The following PTPRM variants were observed in gnomAD, a reference collection of about 807,000 sequenced individuals.
PTPRM encodes receptor-type tyrosine-protein phosphatase mu.
PTPRM carries 47 observed loss-of-function variants against 186.7 expected under a neutral mutation model. That is an observed-to-expected ratio of 0.25 (90% CI 0.20 to 0.32). PTPRM has a LOEUF of 0.32. Among genes scored for constraint, PTPRM ranks in the 10% least tolerant of loss-of-function variants. The probability of loss-of-function intolerance (pLI) is 1.00; values close to 1 mark genes in which losing one functional copy is unlikely to be tolerated. For missense variants in PTPRM, 1,494 were observed against 1,865.0 expected, an observed-to-expected ratio of 0.80 and a Z score of 3.66; for synonymous variants, 668 against 674.9, an observed-to-expected ratio of 0.99 and a Z score of 0.16.
chr18:7,766,616 G>A (rs2042027384), intron 1 of PTPRM, among the ~76,000 whole-genome samples: 1 of 152,170 alleles, frequency 6.6e-6, no homozygotes, highest in Non-Finnish European at 1.5e-5. Context: ...CACTGTGCAG[G>A]GGCAAGCTGC....
chr18:7,685,971 G>T (rs1391086592), intron 1 of PTPRM, among the ~76,000 whole-genome samples: 1 of 152,118 alleles, frequency 6.6e-6, no homozygotes, highest in East Asian at 1.9e-4. Flanking sequence ...ACATGAGGAA[G>T]CTCACAGACT....
In PTPRM at chr18:7,567,698, CTT is replaced by C; in HGVS notation, c.-120_-119del. ...AACTGTTGGCACTTTGGGGGCTTGG[CTT>C]AGCGCTCTGCTGTTTACCCGTCTCT... On this transcript the variant is annotated 5_prime_UTR_variant, in exon 1 of 33. Transcript: ENST00000580170. This position sits in a 1 kb window ranked among gnomAD's most constrained non-coding sequence, Gnocchi z 4.3. 1 of 901,504 alleles carries C rather than the reference CTT, an allele frequency of 1.1e-6. No individual in the cohort carries two copies. The allele number at this position is 901,504 out of a possible 1,614,324, so 55.8% of individuals were successfully genotyped here. A position where few individuals can be genotyped will look rare whatever the true frequency, so the allele number is the denominator to read the frequency against.
chr18:8,213,249 G>T (rs1478318981), intron 14 of PTPRM, among the ~76,000 whole-genome samples: 1 of 152,206 alleles, frequency 6.6e-6, no homozygotes, highest in Non-Finnish European at 1.5e-5. Flanking sequence ...AAAGGTAACA[G>T]CATGACCTTG....
chr18:8,090,861 C>T (rs888384564), intron 11 of PTPRM, among the ~76,000 whole-genome samples: 11 of 152,148 alleles, frequency 7.2e-5, no homozygotes, highest in Admixed American at 1.3e-4. Flanking sequence ...TCCCAAAGTG[C>T]AGGGATTACA....
At chr18:7,944,874 C>T (rs1230229544) in intron 5 of PTPRM, among the ~76,000 whole-genome samples, 1 of 152,142 alleles carries the variant, frequency 6.6e-6, no homozygotes, top group Non-Finnish European at 1.5e-5. Flanking sequence ...ACAACATCTC[C>T]AGGACTATAG....
intron 19 of PTPRM, among the ~76,000 whole-genome samples, chr18:8,265,415 G>A (rs2094688525): frequency 6.6e-6 from 1 of 152,176 alleles, no homozygotes; most frequent in Admixed American, 6.5e-5. Flanking sequence ...TGCTCTCCTG[G>A]GTTATTGCGT....
At chr18:7,965,202 C>A (rs1414666438) in intron 7 of PTPRM, among the ~76,000 whole-genome samples, 2 of 152,088 alleles carry the variant, frequency 1.3e-5, no homozygotes, top group Non-Finnish European at 2.9e-5. Context: ...CGCGCCACCA[C>A]GCCCAGCTAA....
intron 23 of PTPRM, among the ~76,000 whole-genome samples, chr18:8,347,544 C>G (rs1334834799): frequency 6.6e-6 from 1 of 152,182 alleles, no homozygotes; most frequent in African/African-American, 2.4e-5. Context: ...TTCAGAGCGA[C>G]CTGGGTTTAG....
intron 11 of PTPRM, among the ~76,000 whole-genome samples, chr18:8,094,459 A>C (rs1310742663): frequency 1.3e-5 from 2 of 151,814 alleles, no homozygotes; most frequent in Non-Finnish European, 2.9e-5. Context: ...GGGGCTAGAC[A>C]CGGTGGTTCA....
chr18:8,240,123 G>A (rs2094398448), intron 14 of PTPRM, among the ~76,000 whole-genome samples: 1 of 152,086 alleles, frequency 6.6e-6, no homozygotes, highest in South Asian at 2.1e-4. Flanking sequence ...GAAACGGGAG[G>A]CTCAAAAGAG....
chr18:7,798,009 A>T (rs1239387932), intron 2 of PTPRM, among the ~76,000 whole-genome samples: 88 of 151,972 alleles, frequency 5.8e-4, no homozygotes, highest in Non-Finnish European at 5.9e-5. Flanking sequence ...TCAAGTTAGG[A>T]CTCTCTAATT....
At chr18:7,947,799 G>A (rs779982375) in intron 5 of PTPRM, among the ~76,000 whole-genome samples, 1 of 152,062 alleles carries the variant, frequency 6.6e-6, no homozygotes. Flanking sequence ...TCTGCAATGG[G>A]GTTTCTGCTA....
At chr18:7,955,473 C>T (rs570892967) in intron 7 of PTPRM, 59 bp downstream of exon 7, 3 of 1,551,468 alleles carry the variant, frequency 1.9e-6, no homozygotes, top group African/African-American at 2.7e-5. Flanking sequence ...TGACTGGCAG[C>T]ACTGGGGTTG....
chr18:8,108,155 C>T (rs2091603198), intron 11 of PTPRM, among the ~76,000 whole-genome samples: 1 of 151,940 alleles, frequency 6.6e-6, no homozygotes, highest in Non-Finnish European at 1.5e-5. Context: ...CTTTCATCTC[C>T]CCCCATATTA....
At chr18:7,707,521 T>A (rs1000776966) in intron 1 of PTPRM, among the ~76,000 whole-genome samples, 2 of 151,940 alleles carry the variant, frequency 1.3e-5, no homozygotes, top group Non-Finnish European at 2.9e-5. Context: ...TGCCTGTCAT[T>A]CCAGCTACTC....
chr18:8,315,676 C>G (rs2095304386), intron 21 of PTPRM, among the ~76,000 whole-genome samples: 1 of 152,148 alleles, frequency 6.6e-6, no homozygotes. Flanking sequence ...CTTCCATAGA[C>G]AGGATTGATC....
At chr18:7,952,618 C>A (rs1305474421) in intron 6 of PTPRM, among the ~76,000 whole-genome samples, 4 of 151,848 alleles carry the variant, frequency 2.6e-5, no homozygotes. Context: ...ATGGTGTGAA[C>A]CTGGGAGACA....
intron 2 of PTPRM, among the ~76,000 whole-genome samples, chr18:7,788,404 A>C (rs1382227333): frequency 8.5e-5 from 13 of 152,208 alleles, no homozygotes; most frequent in Non-Finnish European, 1.8e-4. Context: ...ATATGAAAGT[A>C]TGAGTAGTAT....
rs1318982857 is a variant in PTPRM at position 8,344,474 on chromosome 18, A to ATATATATC, written c.3054+955_3054+956insATATATCT. On this transcript the variant is annotated intron_variant, in intron 23 of 32. Coordinates refer to ENST00000580170, the MANE Select transcript of PTPRM (RefSeq NM_001105244.2). Reference sequence around the variant, plus strand: ...TATATATATATATATATATATATATATCTAGCAAAAATGGCACATTAACCT... The same window carrying ATATATATC: ...TATATATATATATATATATATATATATATATATCTCTAGCAAAAATGGCACATTAACCT... Among the ~76,000 whole-genome samples, 545 of 147,270 alleles carry ATATATATC rather than the reference A, an allele frequency of 3.7e-3. 10 individuals carry two copies. The highest frequency in any genetic ancestry group is 0.013 in the African/African-American group (502 of 38,664).
Sources: allele counts gnomAD v4.1 joint callset (sites outside exome capture counted in the v4.1 genomes callset), GRCh38; gene constraint gnomAD v4.1.1; non-coding constraint Gnocchi (gnomAD v3.1); transcripts MANE v1.5; gene names NCBI Gene and HGNC (gene_info 2026-07-23, HGNC 2026-07-21).